Variants in ERBB4 observed in about 807,000 individuals in gnomAD.
ERBB4 encodes erb-b2 receptor tyrosine kinase 4.
A neutral mutation model predicts 158.0 loss-of-function variants in ERBB4; 42 were observed. The observed-to-expected ratio is 0.27, with a 90% CI of 0.21 to 0.34. The LOEUF is 0.34. Among genes scored for constraint, ERBB4 ranks in the 10% least tolerant of loss-of-function variants. The pLI, the probability that ERBB4 is intolerant of heterozygous loss-of-function variation, is 1.00. For synonymous variants in ERBB4, 583 were observed against 558.7 expected (o/e 1.04, Z -0.61); for missense variants, 1,333 against 1,624.1 (o/e 0.82, Z 3.08).
intron 16 of ERBB4, among the ~76,000 whole-genome samples, chr2:211,649,734 G>T (rs1393736034): frequency 1.3e-5 from 2 of 151,896 alleles, no homozygotes; most frequent in African/African-American, 4.8e-5. Context: ...AGAACAGAAT[G>T]CTATAAAACT....
At chr2:211,421,259 TG>T in intron 24 of ERBB4, among the ~76,000 whole-genome samples, 1 of 151,262 alleles carries the variant, frequency 6.6e-6, no homozygotes, top group South Asian at 2.1e-4. Flanking sequence ...AAAAAATAAA[TG>T]GAAATAAGTA....
At chr2:212,371,023 G>A (rs1442841617) in intron 1 of ERBB4, among the ~76,000 whole-genome samples, 2 of 152,036 alleles carry the variant, frequency 1.3e-5, no homozygotes, top group African/African-American at 4.8e-5. Context: ...ATGACTAACT[G>A]GATATGAACT....
At chr2:212,372,966 G>A (rs1018801099) in intron 1 of ERBB4, among the ~76,000 whole-genome samples, 13 of 152,008 alleles carry the variant, frequency 8.6e-5, no homozygotes, top group Non-Finnish European at 1.9e-4. Flanking sequence ...CTGTACTGAA[G>A]AGCAAAAACA....
chr2:212,203,641 A>C (rs1303414154), intron 1 of ERBB4, among the ~76,000 whole-genome samples: 3 of 152,194 alleles, frequency 2.0e-5, no homozygotes, highest in African/African-American at 7.2e-5. Flanking sequence ...CCACATCAAT[A>C]CTCATGAAAA....
At chr2:211,546,312 T>C (rs1480256653) in intron 20 of ERBB4, among the ~76,000 whole-genome samples, 1 of 152,114 alleles carries the variant, frequency 6.6e-6, no homozygotes, top group African/African-American at 2.4e-5. Flanking sequence ...ATAATACATA[T>C]GCATACATAT....
intron 19 of ERBB4, among the ~76,000 whole-genome samples, chr2:211,612,855 G>A (rs1200207154): frequency 6.6e-6 from 1 of 152,012 alleles, no homozygotes. Context: ...TGTGTTTTTG[G>A]CATAGAATCA....
At chr2:212,270,677 T>G (rs1265931506) in intron 1 of ERBB4, among the ~76,000 whole-genome samples, 4 of 151,780 alleles carry the variant, frequency 2.6e-5, no homozygotes, top group Non-Finnish European at 5.9e-5. Context: ...CTTGGAGCCC[T>G]AAACCACCAT....
At chr2:211,486,381 T>C (rs1383796403) in intron 20 of ERBB4, among the ~76,000 whole-genome samples, 2 of 152,178 alleles carry the variant, frequency 1.3e-5, no homozygotes, top group African/African-American at 4.8e-5. Flanking sequence ...TTCCTTTTAG[T>C]GACCTCATTG....
chr2:211,760,851 A>T (rs1174785817), intron 4 of ERBB4, among the ~76,000 whole-genome samples: 1 of 152,208 alleles, frequency 6.6e-6, no homozygotes, highest in Non-Finnish European at 1.5e-5. Context: ...TATATACATT[A>T]TCTTATTTAA....
At chr2:211,388,040 G>C in intron 25 of ERBB4, 48 bp from the exon 26 acceptor site, 2 of 1,344,736 alleles carry the variant, frequency 1.5e-6, no homozygotes, top group Non-Finnish European at 2.1e-6. Context: ...GAGGCAATAT[G>C]AATGAAAAAA....
intron 1 of ERBB4, among the ~76,000 whole-genome samples, chr2:212,189,793 T>A (rs1177548292): frequency 6.6e-6 from 1 of 152,220 alleles, no homozygotes; most frequent in Non-Finnish European, 1.5e-5. Context: ...AATCAGTGAT[T>A]AGATAGATGG....
intron 1 of ERBB4, among the ~76,000 whole-genome samples, chr2:212,351,904 A>T (rs879373170): frequency 2.0e-5 from 3 of 152,166 alleles, no homozygotes; most frequent in Non-Finnish European, 4.4e-5. Flanking sequence ...AAACAATGGT[A>T]ATAAATCAAC....
chr2:211,481,861 A>G (rs1361517264), intron 20 of ERBB4, among the ~76,000 whole-genome samples: 1 of 152,196 alleles, frequency 6.6e-6, no homozygotes, highest in Non-Finnish European at 1.5e-5. Context: ...CCCAACTAAC[A>G]TCTAAAAAAC....
At chr2:211,958,734 G>C (rs1037756577) in intron 2 of ERBB4, among the ~76,000 whole-genome samples, 5 of 152,004 alleles carry the variant, frequency 3.3e-5, no homozygotes, top group Non-Finnish European at 7.4e-5. Context: ...CGGCAAAATG[G>C]TCTAAAATTT....
In ERBB4 at chr2:211,408,277, C is replaced by T. The variant is rs772264250; in HGVS notation, c.3135+12164G>A. Among the ~76,000 whole-genome samples the T allele has an allele frequency of 3.9e-5, 6 of 152,222 alleles. No individual in the cohort carries two copies. In the East Asian group the frequency reaches 7.7e-4, roughly 20 times the overall value. On this transcript the variant is annotated intron_variant, in intron 25 of 27. Coordinates refer to ENST00000342788, the MANE Select transcript of ERBB4 (RefSeq NM_005235.3). ...TTCCCAGTAATTTACAGCAGAGCTG[C>T]GAATCTTGTAGCAGTAATACTAAAA... is the stretch of plus-strand genomic sequence containing the variant.
Position 211,420,549 on chromosome 2 carries a change from A to G in ERBB4, c.3027T>C (p.Asp1009=). Residue 1009 remains aspartate, a synonymous_variant, in exon 25 of 28, where the codon GAT becomes GAC. Transcript: ENST00000342788. Reference sequence around the variant, plus strand: ...CCATCATATCTTCCAAATCCTCTTCATCCAAGAGATTCTGAAAGAACTTGC... The same window carrying G: ...CCATCATATCTTCCAAATCCTCTTCGTCCAAGAGATTCTGAAAGAACTTGC... The part of the protein sequence containing the change: ...NDSKFFQNLL[D]EEDLEDMMDA... The G allele has an allele frequency of 2.5e-6, 4 of 1,612,764 alleles. No homozygotes were observed. In the South Asian group the frequency reaches 4.4e-5, roughly 18 times the overall value.
At chr2:211,595,779 G>A (rs1439519447) in intron 19 of ERBB4, among the ~76,000 whole-genome samples, 1 of 152,172 alleles carries the variant, frequency 6.6e-6, no homozygotes, top group African/African-American at 2.4e-5. Flanking sequence ...TAGTATTGCT[G>A]AGAAGCAAAT....
intron 19 of ERBB4, among the ~76,000 whole-genome samples, chr2:211,563,649 T>A (rs1462795466): frequency 1.3e-5 from 2 of 152,094 alleles, no homozygotes. Context: ...TATTTGAGAG[T>A]GGTAATGGTA....
intron 1 of ERBB4, among the ~76,000 whole-genome samples, chr2:212,137,941 G>A (rs141396588): frequency 6.2e-4 from 95 of 152,248 alleles, no homozygotes; most frequent in African/African-American, 2.2e-3. Context: ...GTTCTGTCAC[G>A]TATTTATTCA....
Sources: allele counts gnomAD v4.1 joint callset (sites outside exome capture counted in the v4.1 genomes callset), GRCh38; gene constraint gnomAD v4.1.1; transcripts MANE v1.5; gene names NCBI Gene and HGNC (gene_info 2026-07-23, HGNC 2026-07-21).